The following ERC2 variants were observed in gnomAD, a reference collection of about 807,000 sequenced individuals.
The protein encoded by ERC2 is ERC protein 2.
A neutral mutation model predicts 114.8 loss-of-function variants in ERC2; 42 were observed. The ratio of observed to expected loss-of-function variants is 0.37; its 90% CI spans 0.29 to 0.47. The LOEUF is 0.47. Among genes scored for constraint, ERC2 ranks in the 20% least tolerant of loss-of-function variants. The probability of loss-of-function intolerance (pLI) is 0.99; values close to 1 mark genes in which losing one functional copy is unlikely to be tolerated. For synonymous variants in ERC2, 454 were observed against 425.5 expected (o/e 1.07, Z -0.82); for missense variants, 939 against 1,150.7 (o/e 0.82, Z 2.66).
chr3:56,436,714 C>T (rs2062036997), intron 1 of ERC2, among the ~76,000 whole-genome samples: 1 of 152,178 alleles, frequency 6.6e-6, no homozygotes, highest in African/African-American at 2.4e-5. Flanking sequence ...ATTGGTCCAA[C>T]AAGACTCCAT....
intron 4 of ERC2, among the ~76,000 whole-genome samples, chr3:56,162,179 A>T (rs1825560): frequency 0.82 from 124,771 of 152,240 alleles, 52,282 homozygotes; most frequent in South Asian, 0.93. Context: ...TATGTGTTGA[A>T]CACATTTATT....
chr3:55,766,592 G>T (rs920542549), intron 14 of ERC2: 5 of 152,128 alleles, frequency 3.3e-5, no homozygotes, highest in African/African-American at 1.2e-4. Context: ...CTAAAATAAT[G>T]ATGGGGGAAG....
chr3:56,296,233 A>G lies in ERC2; in HGVS notation c.860T>C (p.Met287Thr). 1 of 1,613,848 alleles carries G rather than the reference A, an allele frequency of 6.2e-7. No homozygotes were observed. Among genetic ancestry groups the G allele is most frequent in the Non-Finnish European group, 8.5e-7 (1 of 1,179,830 alleles). ...TTTCTGCGTTTCAATTCTCAGCTCCATTTCCTCTAATGTCTTCCTCAAAAG... is the reference window on the plus strand; with the variant it reads ...TTTCTGCGTTTCAATTCTCAGCTCCGTTTCCTCTAATGTCTTCCTCAAAAG... Reference protein sequence around the residue: ...LFLLRKTLEEMELRIETQKQT... With the variant: ...LFLLRKTLEETELRIETQKQT... The change falls in exon 3 of 18, where the codon ATG (methionine) becomes ACG (threonine). Residue 287 changes from methionine (M) to threonine (T), a missense_variant. Met to Thr is a moderately conservative substitution (Grantham distance 81). Coordinates refer to ENST00000288221, the MANE Select transcript of ERC2 (RefSeq NM_015576.3).
chr3:55,971,263 G>T lies in ERC2; in HGVS notation c.2267+14714C>A, dbSNP rs1215866358. Among the ~76,000 whole-genome samples the T allele has an allele frequency of 2.0e-5, 3 of 152,130 alleles. No individual in the cohort carries two copies. The East Asian group carries it at 5.8e-4, about 29-fold the overall frequency. ...TAAATTTTAATTCTAGAATTAGAGG[G>T]TGGTGATGGTTGCACAACCTTGTGA... On this transcript the variant is annotated intron_variant, in intron 12 of 17. Coordinates refer to ENST00000288221, the MANE Select transcript of ERC2 (RefSeq NM_015576.3).
chr3:56,311,235 CTCTCTCTCTCTCTCTCTCTCTATATATA>C lies in ERC2; in HGVS notation c.658-14828_658-14801del, dbSNP rs1268658636. ...GTTCTTGGGATATCCATCATCTTCTCTCTCTCTCTCTCTCTCTCTCTATATATATATATATATATATATATATATATAT... is the reference window on the plus strand; with the variant it reads ...GTTCTTGGGATATCCATCATCTTCTCTATATATATATATATATATATATAT... On this transcript the variant is annotated intron_variant, in intron 2 of 17. Coordinates refer to ENST00000288221, the MANE Select transcript of ERC2 (RefSeq NM_015576.3). Among the ~76,000 whole-genome samples, 29 of 15,962 alleles carry C rather than the reference CTCTCTCTCTCTCTCTCTCTCTATATATA, an allele frequency of 1.8e-3. 1 individual carries two copies. The highest frequency in any genetic ancestry group is 4.3e-3 in the South Asian group (2 of 464). 10.5% of individuals were successfully genotyped at this position (15,962 alleles called of 152,430 possible). A position where few individuals can be genotyped will look rare whatever the true frequency, so the allele number is the denominator to read the frequency against.
intron 2 of ERC2, among the ~76,000 whole-genome samples, chr3:56,363,878 G>A (rs529196717): frequency 6.6e-6 from 1 of 150,860 alleles, no homozygotes; most frequent in African/African-American, 2.4e-5. Flanking sequence ...AAAGGGAAAG[G>A]GAAAGGGGGA....
chr3:56,069,069 C>T (rs1032349174), intron 7 of ERC2, among the ~76,000 whole-genome samples: 2 of 152,222 alleles, frequency 1.3e-5, no homozygotes, highest in African/African-American at 4.8e-5. Flanking sequence ...TGATCTAGAG[C>T]TGAGCTCAAG....
At chr3:56,247,590 A>C (rs1399142806) in intron 3 of ERC2, among the ~76,000 whole-genome samples, 1 of 152,220 alleles carries the variant, frequency 6.6e-6, no homozygotes, top group Non-Finnish European at 1.5e-5. Flanking sequence ...TTATGCTTTC[A>C]TTAGAGAAAT....
At chr3:56,333,968 T>C (rs1216596506) in intron 2 of ERC2, among the ~76,000 whole-genome samples, 6 of 152,198 alleles carry the variant, frequency 3.9e-5, no homozygotes, top group Admixed American at 2.0e-4. Context: ...TAAACTTGGT[T>C]TGTAATCTTA....
At position 55,916,653 on chromosome 3, in the gene ERC2, G is replaced by A. The variant is rs180960124; in HGVS notation, c.2404-28104C>T. Among the ~76,000 whole-genome samples the A allele has an allele frequency of 1.3e-4, 20 of 152,150 alleles. No individual in the cohort carries two copies. In the East Asian group the frequency reaches 3.3e-3, roughly 25 times the overall value. ...TTGCTGTTCCTACCACCCAGAGTTC[G>A]CCCATTCCAGTGCTTGTAGGTTGGC... On this transcript the variant is annotated intron_variant, in intron 13 of 17. Coordinates refer to ENST00000288221, the MANE Select transcript of ERC2 (RefSeq NM_015576.3).
At chr3:56,063,273 G>A (rs1297425637) in intron 7 of ERC2, among the ~76,000 whole-genome samples, 6 of 152,158 alleles carry the variant, frequency 3.9e-5, no homozygotes, top group East Asian at 1.9e-4. Flanking sequence ...GAAGTGCCCC[G>A]TGTCATGATT....
In ERC2 at chr3:56,390,787, C is replaced by T. The variant is rs575444094; in HGVS notation, c.657+43564G>A. ...TAATGAAGGGGTTGGATTATCATGCCACAGAATATTACCCAATGCTTTGAG... is the reference window on the plus strand; with the variant it reads ...TAATGAAGGGGTTGGATTATCATGCTACAGAATATTACCCAATGCTTTGAG... On this transcript the variant is annotated intron_variant, in intron 2 of 17. Coordinates refer to ENST00000288221, the MANE Select transcript of ERC2 (RefSeq NM_015576.3). Among the ~76,000 whole-genome samples the T allele has an allele frequency of 2.0e-5, 3 of 152,208 alleles. No individual in the cohort carries two copies. In the South Asian group the frequency reaches 6.2e-4, roughly 32 times the overall value.
At chr3:56,239,373 G>C (rs1221334287) in intron 3 of ERC2, among the ~76,000 whole-genome samples, 1 of 152,170 alleles carries the variant, frequency 6.6e-6, no homozygotes, top group Non-Finnish European at 1.5e-5. Context: ...AGGCATGGTG[G>C]CATGCGCCTG....
At chr3:56,052,679 G>A (rs758067087) in intron 7 of ERC2, among the ~76,000 whole-genome samples, 4 of 152,156 alleles carry the variant, frequency 2.6e-5, no homozygotes, top group Non-Finnish European at 5.9e-5. Flanking sequence ...GGTAGTTATC[G>A]CAGCTACAAG....
At chr3:55,994,913 T>C (rs2071388914) in intron 10 of ERC2, among the ~76,000 whole-genome samples, 1 of 152,240 alleles carries the variant, frequency 6.6e-6, no homozygotes, top group Admixed American at 6.5e-5. Context: ...ACTGTACCAC[T>C]GTTGACATCA....
chr3:55,607,885 C>A (rs894849413), intron 17 of ERC2: 4 of 151,998 alleles, frequency 2.6e-5, no homozygotes, highest in Non-Finnish European at 5.9e-5. Context: ...TTGGTGTTGA[C>A]GTCTAAAAGG....
At chr3:56,138,357 G>T (rs1190265373) in intron 6 of ERC2, among the ~76,000 whole-genome samples, 1 of 152,176 alleles carries the variant, frequency 6.6e-6, no homozygotes. Flanking sequence ...ACCGCGCCCA[G>T]CCTGAAAATG....
chr3:55,864,122 C>T lies in ERC2; in HGVS notation c.2564+24267G>A, dbSNP rs1422025481. 2.6e-5 allele frequency among the ~76,000 whole-genome samples: 3 copies of T among 115,002 alleles called. 1 individual carries two copies. Among genetic ancestry groups the T allele is most frequent in the South Asian group, 6.1e-4 (2 of 3,294 alleles). 75.4% of individuals were successfully genotyped at this position (115,002 alleles called of 152,430 possible). A position where few individuals can be genotyped will look rare whatever the true frequency, so the allele number is the denominator to read the frequency against. On this transcript the variant is annotated intron_variant, in intron 14 of 17. Coordinates refer to ENST00000288221, the MANE Select transcript of ERC2 (RefSeq NM_015576.3). ...GTATATATATATATATATATATACA[C>T]ACACACATATATATATACATATATA...
chr3:56,272,702 G>A (rs1021556369), intron 3 of ERC2, among the ~76,000 whole-genome samples: 1 of 152,168 alleles, frequency 6.6e-6, no homozygotes, highest in Non-Finnish European at 1.5e-5. Flanking sequence ...CCCAGGAGCT[G>A]GAGGTTGCAG....
Sources: allele counts gnomAD v4.1 joint callset (sites outside exome capture counted in the v4.1 genomes callset), GRCh38; gene constraint gnomAD v4.1.1; transcripts MANE v1.5; gene names NCBI Gene and HGNC (gene_info 2026-07-23, HGNC 2026-07-21).